The following BTBD8 variants were observed in gnomAD, a reference collection of about 807,000 sequenced individuals.
The protein encoded by BTBD8 is BTB/POZ domain-containing protein 8.
In BTBD8, 110 loss-of-function variants were observed where a neutral mutation model predicts 162.9. The observed-to-expected ratio is 0.68, with a 90% CI of 0.58 to 0.79. The LOEUF (loss-of-function observed/expected upper bound fraction) is 0.79. BTBD8 is among the 30% of genes least tolerant of loss of function. The pLI is 0.00. For missense variants in BTBD8, 1,905 were observed against 2,085.4 expected, an observed-to-expected ratio of 0.91 and a Z score of 1.68; for synonymous variants, 667 against 716.1, an observed-to-expected ratio of 0.93 and a Z score of 1.10.
chr1:92,178,522 T>G, intron 16 of BTBD8, 71 bp downstream of exon 16: 1 of 1,289,108 alleles, frequency 7.8e-7, no homozygotes, highest in Non-Finnish European at 1.1e-6. Context: ...AAACTCTGAT[T>G]TGCAACTTCA....
At chr1:92,131,816 C>G (rs1031803618) in intron 5 of BTBD8, among the ~76,000 whole-genome samples, 1 of 151,914 alleles carries the variant, frequency 6.6e-6, no homozygotes, top group Non-Finnish European at 1.5e-5. Flanking sequence ...TCAAGTGATC[C>G]TCCTGCCTCA....
At chr1:92,165,667 A>AT (rs1311176770) in intron 9 of BTBD8, among the ~76,000 whole-genome samples, 1 of 152,166 alleles carries the variant, frequency 6.6e-6, no homozygotes, top group Non-Finnish European at 1.5e-5. Context: ...TCACTGGGTG[A>AT]TTCTTCTGCT....
intron 4 of BTBD8, among the ~76,000 whole-genome samples, chr1:92,124,732 T>C (rs1182171438): frequency 6.6e-6 from 1 of 152,210 alleles, no homozygotes; most frequent in African/African-American, 2.4e-5. Context: ...TCTCTATATA[T>C]GTTTTAAATT....
intron 4 of BTBD8, among the ~76,000 whole-genome samples, chr1:92,111,894 A>C (rs767026963): frequency 5.3e-5 from 8 of 152,206 alleles, no homozygotes; most frequent in Non-Finnish European, 8.8e-5. Context: ...AGGCAACAAA[A>C]AAGCAGAGAC....
chr1:92,134,194 A>G (rs1649577148), intron 5 of BTBD8, among the ~76,000 whole-genome samples: 1 of 152,324 alleles, frequency 6.6e-6, no homozygotes, highest in Middle Eastern at 3.4e-3. Context: ...GCTTTGGAGC[A>G]TAAATTTGGA....
At chr1:92,130,031 G>C (rs528956055) in intron 5 of BTBD8, among the ~76,000 whole-genome samples, 15 of 152,110 alleles carry the variant, frequency 9.9e-5, no homozygotes, top group African/African-American at 3.4e-4. Context: ...ATTTTCTCAC[G>C]GTTCTGGAAA....
intron 9 of BTBD8, among the ~76,000 whole-genome samples, chr1:92,152,699 T>C (rs550932321): frequency 2.6e-5 from 4 of 152,252 alleles, no homozygotes; most frequent in African/African-American, 9.6e-5. Context: ...GTGATTTTAA[T>C]TGAAGAATAA....
chr1:92,101,026 C>T (rs867772224), intron 2 of BTBD8, among the ~76,000 whole-genome samples: 9 of 152,072 alleles, frequency 5.9e-5, no homozygotes, highest in East Asian at 1.9e-4. Flanking sequence ...GACCCATCAC[C>T]GGAGCAGTAT....
intron 3 of BTBD8, among the ~76,000 whole-genome samples, chr1:92,103,054 A>G (rs1648632002): frequency 1.3e-5 from 2 of 152,244 alleles, no homozygotes; most frequent in Non-Finnish European, 2.9e-5. Flanking sequence ...GCATTTTACC[A>G]TGAAAGAGAC....
intron 5 of BTBD8, among the ~76,000 whole-genome samples, chr1:92,135,796 CTTATTT>C (rs1557452378): frequency 1.3e-5 from 2 of 151,988 alleles, no homozygotes; most frequent in African/African-American, 4.8e-5. Context: ...TTTAATATGA[CTTATTT>C]TTATTTAGTC....
At chr1:92,104,105 A>G (rs1302830901) in intron 3 of BTBD8, among the ~76,000 whole-genome samples, 1 of 152,230 alleles carries the variant, frequency 6.6e-6, no homozygotes, top group Non-Finnish European at 1.5e-5. Context: ...TTTGCACCTA[A>G]GCAAATGCGA....
At position 92,181,218 on chromosome 1, in the gene BTBD8, T is replaced by C. The variant is rs1325748025; in HGVS notation, c.3535T>C (p.Leu1179=). ...PVEGLTIPSK[L]SDESAMDEDK... is the part of the protein sequence containing the mutation. ...GGAAGGACTGACAATTCCTAGTAAG[T>C]TGTCAGATGAATCTGCTATGGATGA... Residue 1179 remains leucine (L), a synonymous_variant, in exon 17 of 18, where the codon TTG becomes CTG. Coordinates refer to ENST00000636805, the MANE Select transcript of BTBD8 (RefSeq NM_001376131.1). 1.9e-6 allele frequency: 3 copies of C among 1,551,652 alleles called. No homozygotes were observed. Among genetic ancestry groups the C allele is most frequent in the Non-Finnish European group, 1.7e-6 (2 of 1,147,008 alleles).
rs1650885550 is a variant in BTBD8 at position 92,181,096 on chromosome 1, G to A, written c.3413G>A (p.Ser1138Asn). 4 of 1,551,476 alleles carry A rather than the reference G, an allele frequency of 2.6e-6. No homozygotes were observed. In the South Asian group the frequency reaches 3.6e-5, roughly 14 times the overall value. ...AGAAAAGATACAAACAAACAATCAA[G>A]TATTAAATGTGTGGAAGATGTTTCA... Reference protein sequence around the residue: ...VGRKDTNKQSSIKCVEDVSLC... With the variant: ...VGRKDTNKQSNIKCVEDVSLC... The change falls in exon 17 of 18, where the codon AGT becomes AAT. Residue 1138 changes from serine to asparagine, a missense_variant. By Grantham distance (46) the Ser-to-Asn change is conservative. Coordinates refer to ENST00000636805, the MANE Select transcript of BTBD8 (RefSeq NM_001376131.1).
chr1:92,123,092 A>T (rs992032385), intron 4 of BTBD8, among the ~76,000 whole-genome samples: 3 of 152,160 alleles, frequency 2.0e-5, no homozygotes, highest in African/African-American at 7.2e-5. Context: ...GTACCTTTTG[A>T]TGATAAGACT....
intron 11 of BTBD8, 60 bp downstream of exon 11, chr1:92,168,045 G>A (rs1650429429): frequency 2.8e-6 from 4 of 1,426,858 alleles, no homozygotes; most frequent in Non-Finnish European, 3.8e-6. Flanking sequence ...ATTTTTAGAT[G>A]TATGTGCATT....
chr1:92,169,095 G>T, intron 12 of BTBD8, 100 bp downstream of exon 12: 2 of 1,165,248 alleles, frequency 1.7e-6, no homozygotes, highest in Non-Finnish European at 1.2e-6. Context: ...ACATTTGTGT[G>T]CTTCTGTTGG....
chr1:92,098,615 T>C (rs1570717396), intron 2 of BTBD8, among the ~76,000 whole-genome samples: 1 of 152,194 alleles, frequency 6.6e-6, no homozygotes, highest in Non-Finnish European at 1.5e-5. Flanking sequence ...CTAGTGGCTG[T>C]GAACTGGTAT....
chr1:92,168,896 G>T lies in BTBD8; in HGVS notation c.1474G>T (p.Asp492Tyr). 3 of 1,541,362 alleles carry T rather than the reference G, an allele frequency of 1.9e-6. No individual in the cohort carries two copies. Among genetic ancestry groups the T allele is most frequent in the Non-Finnish European group, 2.6e-6 (3 of 1,139,136 alleles). The change falls in exon 12 of 18, where the codon GAT becomes TAT. Residue 492 changes from aspartate to tyrosine, a missense_variant. By Grantham distance (160) the Asp-to-Tyr change is radical. Around this residue, in one of 3 missense-constraint regions of BTBD8, gnomAD observed 1,374 missense variants for 1,442.7 expected, o/e 0.95. Coordinates refer to ENST00000636805, the MANE Select transcript of BTBD8 (RefSeq NM_001376131.1). ...TACGTGCAAGATCCAGGCTCTGCGT[G>T]ATAAGCTGTGGATCTTCCTGGTTCA... ...GFTCKIQALR[D>Y]KLWIFLVQSF...
In BTBD8 at chr1:92,168,946, A is replaced by G; in HGVS notation, c.1524A>G (p.Thr508=). ...AGTCTTTCTATGCTGTTCGTCACAC[A>G]GAAAGCTGGAAGCTGATGAGCACAG... ...LVQSFYAVRH[T]ESWKLMSTDD... The change falls in exon 12 of 18, where the codon ACA becomes ACG. Residue 508 remains threonine (T), a synonymous_variant. Coordinates refer to ENST00000636805, the MANE Select transcript of BTBD8 (RefSeq NM_001376131.1). 1 of 1,544,092 alleles carries G rather than the reference A, an allele frequency of 6.5e-7. No individual in the cohort carries two copies. The highest frequency in any genetic ancestry group is 2.4e-5 in the East Asian group (1 of 40,840).
Sources: allele counts gnomAD v4.1 joint callset (sites outside exome capture counted in the v4.1 genomes callset), GRCh38; gene constraint gnomAD v4.1.1; regional missense constraint gnomAD v4.1.1; transcripts MANE v1.5; gene names NCBI Gene and HGNC (gene_info 2026-07-23, HGNC 2026-07-21).